The following NDRG3 variants were observed in gnomAD, a reference collection of about 807,000 sequenced individuals.
NDRG3 encodes NDRG family member 3.
Under a neutral mutation model 57.2 loss-of-function variants are expected in NDRG3, and 23 were observed. The observed-to-expected ratio is 0.40, with a 90% CI of 0.29 to 0.57. The LOEUF (loss-of-function observed/expected upper bound fraction) is 0.57, where lower values mean the gene tolerates loss of function less well. NDRG3 is among the 20% of genes least tolerant of loss of function. The pLI, the probability that NDRG3 is intolerant of heterozygous loss-of-function variation, is 0.42. For missense variants in NDRG3, 384 were observed against 457.3 expected (o/e 0.84, Z 1.46); for synonymous variants, 132 against 162.6 (o/e 0.81, Z 1.43).
chr20:36,690,850 G>T (rs988137099), intron 3 of NDRG3, among the ~76,000 whole-genome samples: 3 of 152,028 alleles, frequency 2.0e-5, no homozygotes, highest in Admixed American at 2.0e-4. Context: ...GACAAAAGAT[G>T]CACCGAGCAA....
intron 3 of NDRG3, among the ~76,000 whole-genome samples, chr20:36,689,717 ATTTTTTTTT>A (rs11366908): frequency 1.0e-5 from 1 of 97,216 alleles, no homozygotes; most frequent in Non-Finnish European, 2.2e-5. Flanking sequence ...GAACTAAGAG[ATTTTTTTTT>A]TTTTTTTTTT....
intron 2 of NDRG3, among the ~76,000 whole-genome samples, chr20:36,719,742 A>G (rs1259944854): frequency 1.4e-5 from 2 of 141,538 alleles, no homozygotes; most frequent in African/African-American, 2.6e-5. Flanking sequence ...AAAGGATGGC[A>G]TGGCCTCACT....
At chr20:36,740,416 G>A (rs1195400825) in intron 1 of NDRG3, among the ~76,000 whole-genome samples, 1 of 151,688 alleles carries the variant, frequency 6.6e-6, no homozygotes, top group Non-Finnish European at 1.5e-5. Context: ...GTGTGATCTC[G>A]GCTCACCACA....
chr20:36,693,969 G>C (rs1167447271), intron 3 of NDRG3, among the ~76,000 whole-genome samples: 1 of 152,112 alleles, frequency 6.6e-6, no homozygotes, highest in Non-Finnish European at 1.5e-5. Flanking sequence ...ACTGGTGCCA[G>C]AAAGGTTAAG....
intron 5 of NDRG3, among the ~76,000 whole-genome samples, chr20:36,686,653 A>C (rs1600898121): frequency 6.6e-6 from 1 of 152,314 alleles, no homozygotes; most frequent in East Asian, 1.9e-4. Context: ...TGCCCTGCGA[A>C]GCAGATGTAG....
At chr20:36,745,296 G>A (rs1340386703) in intron 1 of NDRG3, among the ~76,000 whole-genome samples, 2 of 152,130 alleles carry the variant, frequency 1.3e-5, no homozygotes, top group Non-Finnish European at 2.9e-5. Flanking sequence ...CACCTCAATT[G>A]TACTCCGACA....
chr20:36,729,005 A>C (rs1270992321), intron 1 of NDRG3, among the ~76,000 whole-genome samples: 1 of 152,166 alleles, frequency 6.6e-6, no homozygotes, highest in African/African-American at 2.4e-5. Flanking sequence ...TACAGGTGTA[A>C]GCCACTGCTT....
chr20:36,687,705 T>C, intron 4 of NDRG3, 93 bp from the exon 5 acceptor site: 2 of 1,426,460 alleles, frequency 1.4e-6, no homozygotes, highest in South Asian at 2.7e-5. Context: ...CTTCTTTCCC[T>C]GCTTTTTAAC....
At chr20:36,741,091 C>T (rs1941073717) in intron 1 of NDRG3, among the ~76,000 whole-genome samples, 1 of 152,064 alleles carries the variant, frequency 6.6e-6, no homozygotes, top group Admixed American at 6.6e-5. Flanking sequence ...TTTGATGCAC[C>T]CCTTCCTTTC....
In NDRG3 at chr20:36,671,350, G is replaced by A. The variant is rs1284922115; in HGVS notation, c.579C>T (p.His193=). ...TNVVDIILAH[H]FGQEELQANL... is the part of the protein sequence containing the mutation. ...TGGAACAGGTACTTACCTGCCCAAAGTGATGAGCCAAAATAATGTCCACAA... is the reference window on the plus strand; with the variant it reads ...TGGAACAGGTACTTACCTGCCCAAAATGATGAGCCAAAATAATGTCCACAA... Residue 193 remains histidine (H), a synonymous_variant, in exon 9 of 16, where the codon CAC becomes CAT. Coordinates refer to ENST00000349004, the MANE Select transcript of NDRG3 (RefSeq NM_032013.4). 1.2e-6 allele frequency: 2 copies of A among 1,613,632 alleles called. No homozygotes were observed. The highest frequency in any genetic ancestry group is 1.7e-5 in the Admixed American group (1 of 59,984).
intron 1 of NDRG3, among the ~76,000 whole-genome samples, chr20:36,727,261 A>G (rs1265691611): frequency 6.6e-6 from 1 of 150,870 alleles, no homozygotes; most frequent in East Asian, 2.0e-4. Flanking sequence ...TACTCATCAC[A>G]TAGGCTGGAG....
At chr20:36,733,171 A>AAAAAAAAAAT (rs1555807709) in intron 1 of NDRG3, among the ~76,000 whole-genome samples, 2 of 33,240 alleles carry the variant, frequency 6.0e-5, no homozygotes, top group Non-Finnish European at 1.1e-4. Context: ...AAAAAAAAAA[A>AAAAAAAAAAT]ATATATATAT....
At chr20:36,667,679 C>T (rs1399989930) in intron 9 of NDRG3, among the ~76,000 whole-genome samples, 1 of 151,974 alleles carries the variant, frequency 6.6e-6, no homozygotes, top group Non-Finnish European at 1.5e-5. Flanking sequence ...AAAGAAATTG[C>T]ATTGGAGGAA....
chr20:36,739,577 G>T (rs1185270919), intron 1 of NDRG3, among the ~76,000 whole-genome samples: 1 of 151,994 alleles, frequency 6.6e-6, no homozygotes, highest in African/African-American at 2.4e-5. Flanking sequence ...GGAGCCTGAG[G>T]TGGGCGGATC....
intron 1 of NDRG3, among the ~76,000 whole-genome samples, chr20:36,738,560 C>T (rs189734620): frequency 3.2e-4 from 48 of 151,606 alleles, no homozygotes; most frequent in South Asian, 1.2e-3. Flanking sequence ...TAGTGGCTCA[C>T]GCCTGTAATC....
Position 36,746,062 on chromosome 20 carries a change from G to A in NDRG3, c.-66C>T. 3.0e-6 allele frequency: 1 copy of A among 337,992 alleles called. No individual in the cohort carries two copies. The highest frequency in any genetic ancestry group is 4.7e-5 in the East Asian group (1 of 21,300). 20.9% of individuals were successfully genotyped at this position (337,992 alleles called of 1,614,324 possible). On this transcript the variant is annotated 5_prime_UTR_variant, in exon 1 of 16. Transcript: ENST00000349004. ...TCACTCACCTGAGGCGCGGGCACCC[G>A]CCGTCAGTGCAGCAGCAGCGGCGGC...
At chr20:36,667,402 G>T (rs1394942913) in intron 9 of NDRG3, among the ~76,000 whole-genome samples, 1 of 152,024 alleles carries the variant, frequency 6.6e-6, no homozygotes, top group African/African-American at 2.4e-5. Flanking sequence ...CAGCCTCCTG[G>T]GGAGCTGAGA....
At position 36,684,491 on chromosome 20, in the gene NDRG3, A is replaced by G. The variant is rs200100400; in HGVS notation, c.321-16T>C. ...GTACTGATACCTGCAATCCAGAAGG[A>G]TATCTCCTGAATTAGAAAGCACTCA... On this transcript the variant is annotated splice_polypyrimidine_tract_variant and intron_variant, in intron 5 of 15. Transcript: ENST00000349004. The G allele has an allele frequency of 7.6e-5, 123 of 1,608,868 alleles. No individual in the cohort carries two copies. The East Asian group carries it at 2.4e-3, about 32-fold the overall frequency.
chr20:36,670,408 T>C (rs2148055784), intron 9 of NDRG3, among the ~76,000 whole-genome samples: 1 of 152,316 alleles, frequency 6.6e-6, no homozygotes, highest in African/African-American at 2.4e-5. Flanking sequence ...AGAACTTCTC[T>C]ACTCTAAAAT....
Sources: gnomAD v4.1 joint callset for allele counts (sites outside exome capture counted in the v4.1 genomes callset) on GRCh38, gnomAD v4.1.1 for gene constraint, MANE v1.5 for transcripts, NCBI Gene and HGNC (gene_info 2026-07-23, HGNC 2026-07-21) for gene names.